ZNF648: variants seen among roughly 807,000 people sequenced by gnomAD.
ZNF648 encodes zinc finger protein 648.
A neutral mutation model predicts 0.3 loss-of-function variants in ZNF648; 1 was observed. The ratio of observed to expected loss-of-function variants is 3.90; its 90% CI spans 1.39 to 18.51. The LOEUF is 18.51. Among genes scored for constraint, ZNF648 ranks in the 30% most tolerant of loss-of-function variants. The pLI, the probability that ZNF648 is intolerant of heterozygous loss-of-function variation, is 0.11. For missense variants in ZNF648, 874 were observed against 769.7 expected (o/e 1.14, Z -1.60); for synonymous variants, 376 against 326.8 (o/e 1.15, Z -1.62).
chr1:182,061,223 A>G lies in ZNF648; in HGVS notation c.-64+345T>C, dbSNP rs182818422. Among the ~76,000 whole-genome samples, 149 of 152,306 alleles carry G rather than the reference A, an allele frequency of 9.8e-4. 3 individuals carry two copies. The highest frequency in any genetic ancestry group is 3.5e-3 in the Admixed American group (53 of 15,306). On this transcript the variant is annotated intron_variant, in intron 1 of 1. Coordinates refer to ENST00000339948, the MANE Select transcript of ZNF648 (RefSeq NM_001009992.1). The stretch of plus-strand genomic sequence containing the variant: ...AGTCTGCACAAATATACCTGGTCTG[A>G]AAGAGGAACACTGATGCCATGGTAT...
At position 182,056,219 on chromosome 1, in the gene ZNF648, G is replaced by T; in HGVS notation, c.*85C>A. 3 of 1,502,838 alleles carry T rather than the reference G, an allele frequency of 2.0e-6. No individual in the cohort carries two copies. Among genetic ancestry groups the T allele is most frequent in the Non-Finnish European group, 2.7e-6 (3 of 1,123,522 alleles). 93.1% of individuals were successfully genotyped at this position (1,502,838 alleles called of 1,614,324 possible). ...CTGATGACCCGCGACCTGCTGGGAG[G>T]CGAGGCTGACCAGTGAGGCTGGCAA... On this transcript the variant is annotated 3_prime_UTR_variant, in exon 2 of 2. Transcript: ENST00000339948.
In ZNF648 at chr1:182,056,679, GC is replaced by G; in HGVS notation, c.1331del (p.Gly444AlafsTer48). 6.2e-7 allele frequency: 1 copy of G among 1,604,244 alleles called. No individual in the cohort carries two copies. Among genetic ancestry groups the G allele is most frequent in the Non-Finnish European group, 8.5e-7 (1 of 1,175,202 alleles). ...AGTCAGCGCACTTGAAAGGCCTCTG[GC>G]CGGTGTGCAGCGTCTGGTGCTCGGA... ...NLSEHQTLHTGQRPFKCADCG... is the reference protein window; with the variant it reads ...NLSEHQTLHTXQRPFKCADCG... On this transcript the variant is annotated frameshift_variant, in exon 2 of 2. Coordinates refer to ENST00000339948, the MANE Select transcript of ZNF648 (RefSeq NM_001009992.1). LOFTEE classifies it low-confidence loss of function (END_TRUNC).
At chr1:182,067,628 C>G in the ZNF648 span, among the ~76,000 whole-genome samples, 2 of 152,164 alleles carry the variant, frequency 1.3e-5, no homozygotes, top group South Asian at 4.1e-4. Context: ...GGAGCCACTT[C>G]TGGAGCTCAC....
Position 182,056,183 on chromosome 1 carries a change from CA to C in ZNF648, c.*120del. The C allele has an allele frequency of 1.5e-6, 2 of 1,311,802 alleles. No homozygotes were observed. Among genetic ancestry groups the C allele is most frequent in the Non-Finnish European group, 2.1e-6 (2 of 972,066 alleles). The allele number at this position is 1,311,802 out of a possible 1,614,324, so 81.3% of individuals were successfully genotyped here. On this transcript the variant is annotated 3_prime_UTR_variant, in exon 2 of 2. Transcript: ENST00000339948. ...CTGTTCAAGGGATCAAATAAATAAT[CA>C]AATGGACCACTGATGACCCGCGACC... is the stretch of plus-strand genomic sequence containing the variant.
Position 182,056,214 on chromosome 1 carries a change from G to T in ZNF648, c.*90C>A. Reference sequence around the variant, plus strand: ...GACCACTGATGACCCGCGACCTGCTGGGAGGCGAGGCTGACCAGTGAGGCT... The same window carrying T: ...GACCACTGATGACCCGCGACCTGCTTGGAGGCGAGGCTGACCAGTGAGGCT... On this transcript the variant is annotated 3_prime_UTR_variant, in exon 2 of 2. Coordinates refer to ENST00000339948, the MANE Select transcript of ZNF648 (RefSeq NM_001009992.1). 1.3e-6 allele frequency: 2 copies of T among 1,492,668 alleles called. No homozygotes were observed. Among genetic ancestry groups the T allele is most frequent in the South Asian group, 1.3e-5 (1 of 75,152 alleles). The allele number at this position is 1,492,668 out of a possible 1,614,324, so 92.5% of individuals were successfully genotyped here.
rs988043616 is a variant in ZNF648, at chr1:182,056,632, G to A, written c.1379C>T (p.Pro460Leu). ...CADCGVAFAQ[P>L]SRLVRHQRIH... Reference sequence around the variant, plus strand: ...GCGCTGGTGGCGCACGAGGCGCGAGGGCTGCGCGAAGGCCACGCCGCAGTC... The same window carrying A: ...GCGCTGGTGGCGCACGAGGCGCGAGAGCTGCGCGAAGGCCACGCCGCAGTC... The change falls in exon 2 of 2, where the codon CCC (proline) becomes CTC (leucine). Residue 460 changes from proline (P) to leucine (L), a missense_variant. By Grantham distance (98) the Pro-to-Leu change is moderately conservative. Coordinates refer to ENST00000339948, the MANE Select transcript of ZNF648 (RefSeq NM_001009992.1). The A allele has an allele frequency of 9.3e-6, 15 of 1,611,508 alleles. No homozygotes were observed. Among genetic ancestry groups the A allele is most frequent in the Non-Finnish European group, 1.3e-5 (15 of 1,178,894 alleles).
At chr1:182,067,823 A>T in the ZNF648 span, among the ~76,000 whole-genome samples, 1 of 152,200 alleles carries the variant, frequency 6.6e-6, no homozygotes, top group African/African-American at 2.4e-5. Context: ...GAAGATTCAA[A>T]TTGTCTACTG....
Position 182,056,334 on chromosome 1 carries a change from C to A in ZNF648, c.1677G>T (p.Lys559Asn), listed in dbSNP as rs1422859703. The change falls in exon 2 of 2, where the codon AAG becomes AAT. Residue 559 changes from lysine (K) to asparagine (N), a missense_variant. Transcript: ENST00000339948. Reference protein sequence around the residue: ...RHRAKHGTCKKEPIPSSSDE With the variant: ...RHRAKHGTCKNEPIPSSSDE ...CGTCAGAGGAGGAAGGGATGGGCTC[C>A]TTCTTGCAGGTGCCGTGCTTGGCTC... The A allele has an allele frequency of 5.0e-6, 8 of 1,613,586 alleles. No homozygotes were observed. The highest frequency in any genetic ancestry group is 5.9e-6 in the Non-Finnish European group (7 of 1,179,718).
In ZNF648 at chr1:182,055,255, C is replaced by T. The variant is rs1014943590; in HGVS notation, c.*1049G>A. ...TAACCTCATTAGATAACTGTGAGCACGTAGGCTTCCATACCTGGTTTTAAT... is the reference window on the plus strand; with the variant it reads ...TAACCTCATTAGATAACTGTGAGCATGTAGGCTTCCATACCTGGTTTTAAT... On this transcript the variant is annotated 3_prime_UTR_variant, in exon 2 of 2. Transcript: ENST00000339948. The surrounding 1 kb of genome is among the most constrained non-coding windows in gnomAD (Gnocchi z 4.1). 4.6e-5 allele frequency: 7 copies of T among 152,286 alleles called. No individual in the cohort carries two copies. Among genetic ancestry groups the T allele is most frequent in the Middle Eastern group, 3.4e-3 (1 of 294 alleles). The allele number at this position is 152,286 out of a possible 1,614,324, so 9.4% of individuals were successfully genotyped here.
In ZNF648 at chr1:182,056,536, T is replaced by G. The variant is rs1370702450; in HGVS notation, c.1475A>C (p.Lys492Thr). ...GQAFARSSTL[K>T]RHQQIHSGEK... ...CCCGGAGTGGATCTGTTGGTGCCGCTTCAGGGTCGAAGAGCGGGCAAAGGC... is the reference window on the plus strand; with the variant it reads ...CCCGGAGTGGATCTGTTGGTGCCGCGTCAGGGTCGAAGAGCGGGCAAAGGC... The change falls in exon 2 of 2, where the codon AAG becomes ACG. Residue 492 changes from lysine (K) to threonine (T), a missense_variant. Coordinates refer to ENST00000339948, the MANE Select transcript of ZNF648 (RefSeq NM_001009992.1). 1 of 1,614,118 alleles carries G rather than the reference T, an allele frequency of 6.2e-7. No individual in the cohort carries two copies. Among genetic ancestry groups the G allele is most frequent in the Non-Finnish European group, 8.5e-7 (1 of 1,180,002 alleles).
Position 182,056,857 on chromosome 1 carries a change from G to A in ZNF648, c.1154C>T (p.Thr385Met), listed in dbSNP as rs1665925186. ...GCGGAAGGGCTTGGCGCCCAGGTGCGTGCGCTGGTGGCGCAGCAGCGACAG... is the reference window on the plus strand; with the variant it reads ...GCGGAAGGGCTTGGCGCCCAGGTGCATGCGCTGGTGGCGCAGCAGCGACAG... Reference protein sequence around the residue: ...KPLSLLRHQRTHLGAKPFRCP... With the variant: ...KPLSLLRHQRMHLGAKPFRCP... Residue 385 changes from threonine to methionine, a missense_variant, in exon 2 of 2, where the codon ACG (threonine) becomes ATG (methionine). Thr to Met is a moderately conservative substitution (Grantham distance 81). Coordinates refer to ENST00000339948, the MANE Select transcript of ZNF648 (RefSeq NM_001009992.1). 2 of 1,562,554 alleles carry A rather than the reference G, an allele frequency of 1.3e-6. No homozygotes were observed. The highest frequency in any genetic ancestry group is 1.4e-5 in the African/African-American group (1 of 73,472).
rs897314646 is a variant in ZNF648 at position 182,055,859 on chromosome 1, A to C, written c.*445T>G. 6.2e-6 allele frequency: 1 copy of C among 161,966 alleles called. No individual in the cohort carries two copies. Among genetic ancestry groups the C allele is most frequent in the Non-Finnish European group, 1.4e-5 (1 of 73,498 alleles). 10.0% of individuals were successfully genotyped at this position (161,966 alleles called of 1,614,324 possible). ...ATTCCTTTATTTATATAAAAACCAAAAAGCATCTTTCTCTAAAGAGGACCA... is the reference window on the plus strand; with the variant it reads ...ATTCCTTTATTTATATAAAAACCAACAAGCATCTTTCTCTAAAGAGGACCA... On this transcript the variant is annotated 3_prime_UTR_variant, in exon 2 of 2. Coordinates refer to ENST00000339948, the MANE Select transcript of ZNF648 (RefSeq NM_001009992.1). The surrounding 1 kb of genome is among the most constrained non-coding windows in gnomAD (Gnocchi z 4.1).
chr1:182,065,693 A>C (rs1012053832), upstream of ZNF648, among the ~76,000 whole-genome samples: 3 of 152,188 alleles, frequency 2.0e-5, no homozygotes, highest in African/African-American at 2.4e-5. Context: ...CTACCCTGAT[A>C]CATCCTCCAA....
chr1:182,056,475 G>C lies in ZNF648; in HGVS notation c.1536C>G (p.Ala512=). ...GGGCCAACTCAGAGGCAATGCGGAAGGCCCTGCCGCACTCGGCACAGAGGA... is the reference window on the plus strand; with the variant it reads ...GGGCCAACTCAGAGGCAATGCGGAACGCCCTGCCGCACTCGGCACAGAGGA... ...KGFLCAECGR[A]FRIASELAQH... Residue 512 remains alanine, a synonymous_variant, in exon 2 of 2, where the codon GCC becomes GCG. Coordinates refer to ENST00000339948, the MANE Select transcript of ZNF648 (RefSeq NM_001009992.1). The C allele has an allele frequency of 6.2e-7, 1 of 1,613,984 alleles. No homozygotes were observed.
At chr1:182,058,364 C>T (rs1239390289) in intron 1 of ZNF648, among the ~76,000 whole-genome samples, 1 of 152,184 alleles carries the variant, frequency 6.6e-6, no homozygotes, top group Non-Finnish European at 1.5e-5. Context: ...GGGTGCTCAT[C>T]CCCAACCACT....
the ZNF648 span, among the ~76,000 whole-genome samples, chr1:182,067,849 A>G: frequency 6.6e-6 from 1 of 152,226 alleles, no homozygotes; most frequent in Non-Finnish European, 1.5e-5. Flanking sequence ...GCAGCATATT[A>G]TCTTGGCCCA....
chr1:182,062,811 G>A (rs1170559785), upstream of ZNF648: 2 of 152,106 alleles, frequency 1.3e-5, no homozygotes, highest in Non-Finnish European at 2.9e-5. Flanking sequence ...CTTCACCTAG[G>A]TATTAAGCCC....
rs773992975 is a variant in ZNF648 at position 182,057,508 on chromosome 1, G to C, written c.503C>G (p.Pro168Arg). Reference sequence around the variant, plus strand: ...CGCACAGAGATACTTTCCATTGCTGGGGAAGCTGGGTGGGACATCCAAGAC... The same window carrying C: ...CGCACAGAGATACTTTCCATTGCTGCGGAAGCTGGGTGGGACATCCAAGAC... ...DAVLDVPPSF[P>R]SNGKYLCAHK... The change falls in exon 2 of 2, where the codon CCC (proline) becomes CGC (arginine). Residue 168 changes from proline to arginine, a missense_variant. Pro to Arg is a moderately radical substitution (Grantham distance 103, BLOSUM62 -2). Transcript: ENST00000339948. The C allele has an allele frequency of 2.5e-6, 4 of 1,614,212 alleles. 1 individual carries two copies. The South Asian group carries it at 4.4e-5, about 18-fold the overall frequency.
chr1:182,057,125 G>A lies in ZNF648; in HGVS notation c.886C>T (p.Gln296Ter). ...TCGCCCGTGTGCAGGCGCCTGTGCT[G>A]CTGGAGTGTGCCGCGGTGGGAGTAG... ...KAYSHRGTLQ[Q>*]HRRLHTGERP... Residue 296 changes from glutamine (Q) to a stop codon, truncating the protein, a stop_gained, in exon 2 of 2, where the codon CAG (glutamine) becomes TAG (stop). Coordinates refer to ENST00000339948, the MANE Select transcript of ZNF648 (RefSeq NM_001009992.1). LOFTEE classifies it low-confidence loss of function (END_TRUNC). 1.2e-6 allele frequency: 2 copies of A among 1,606,732 alleles called. No individual in the cohort carries two copies. The highest frequency in any genetic ancestry group is 1.7e-6 in the Non-Finnish European group (2 of 1,179,676).
Sources: allele counts gnomAD v4.1 joint callset (sites outside exome capture counted in the v4.1 genomes callset), GRCh38; gene constraint gnomAD v4.1.1; non-coding constraint Gnocchi (gnomAD v3.1); transcripts MANE v1.5; gene names NCBI Gene and HGNC (gene_info 2026-07-23, HGNC 2026-07-21).